The following PAQR4 variants were observed in gnomAD, a reference collection of about 807,000 sequenced individuals.
PAQR4 encodes progestin and adipoQ receptor family member 4.
Under a neutral mutation model 20.9 loss-of-function variants are expected in PAQR4, and 26 were observed. The ratio of observed to expected loss-of-function variants is 1.24; its 90% confidence interval spans 0.91 to 1.73. The LOEUF (loss-of-function observed/expected upper bound fraction) is 1.73. PAQR4 is among the 40% of genes most tolerant of loss of function. The pLI is 0.00. For synonymous variants in PAQR4, 193 were observed against 171.6 expected, an observed-to-expected ratio of 1.12 and a Z score of -0.97; for missense variants, 400 against 380.1, an observed-to-expected ratio of 1.05 and a Z score of -0.44.
chr16:2,972,120 G>A lies in PAQR4; in HGVS notation c.*172G>A, dbSNP rs987657741. The A allele has an allele frequency of 4.0e-5, 26 of 649,650 alleles. No individual in the cohort carries two copies. Among genetic ancestry groups the A allele is most frequent in the Middle Eastern group, 4.2e-4 (1 of 2,378 alleles). The allele number at this position is 649,650 out of a possible 1,614,324, so 40.2% of individuals were successfully genotyped here. A position where few individuals can be genotyped will look rare whatever the true frequency, so the allele number is the denominator to read the frequency against. On this transcript the variant is annotated 3_prime_UTR_variant, in exon 3 of 3. Transcript: ENST00000318782. ...TGGACTGACCTCTTCCACCCACGCC[G>A]TGGCGCTCCAACTTCCTTCCCTGCC...
chr16:2,972,867 G>T lies in PAQR4; in HGVS notation c.*919G>T. 1 of 1,536,156 alleles carries T rather than the reference G, an allele frequency of 6.5e-7. No homozygotes were observed. The highest frequency in any genetic ancestry group is 1.4e-5 in the African/African-American group (1 of 73,424). Reference sequence around the variant, plus strand: ...GACACGGCCAGGCAGAGAAGACCATGGGAGTTCCCGAGGGGCCCCAGCTTT... The same window carrying T: ...GACACGGCCAGGCAGAGAAGACCATTGGAGTTCCCGAGGGGCCCCAGCTTT... On this transcript the variant is annotated 3_prime_UTR_variant, in exon 3 of 3. Coordinates refer to ENST00000318782, the MANE Select transcript of PAQR4 (RefSeq NM_152341.5).
At chr16:2,969,958 G>A in intron 1 of PAQR4, 118 bp downstream of exon 1, 4 of 1,314,450 alleles carry the variant, frequency 3.0e-6, no homozygotes, top group Non-Finnish European at 1.0e-6. Context: ...CCCGGCCCTG[G>A]CACCGCCAGT....
At position 2,971,666 on chromosome 16, in the gene PAQR4, G is replaced by C; in HGVS notation, c.540G>C (p.Gln180His). The C allele has an allele frequency of 6.2e-7, 1 of 1,611,188 alleles. No individual in the cohort carries two copies. ...TSARLRAFGWQAAARLLVFGA... is the reference protein window; with the variant it reads ...TSARLRAFGWHAAARLLVFGA... ...CTCGGCTCCGGGCATTTGGATGGCA[G>C]GCTGCTGCCCGCCTACTGGTATTTG... Residue 180 changes from glutamine (Q) to histidine (H), a missense_variant, in exon 3 of 3, where the codon CAG becomes CAC. Coordinates refer to ENST00000318782, the MANE Select transcript of PAQR4 (RefSeq NM_152341.5).
rs2072034881 is a variant in PAQR4 at position 2,972,859 on chromosome 16, A to G, written c.*911A>G. 42 of 1,534,928 alleles carry G rather than the reference A, an allele frequency of 2.7e-5. 1 individual carries two copies. The South Asian group carries it at 5.0e-4, about 18-fold the overall frequency. On this transcript the variant is annotated 3_prime_UTR_variant, in exon 3 of 3. Transcript: ENST00000318782. ...TTTTATTAGACACGGCCAGGCAGAGAAGACCATGGGAGTTCCCGAGGGGCC... is the reference window on the plus strand; with the variant it reads ...TTTTATTAGACACGGCCAGGCAGAGGAGACCATGGGAGTTCCCGAGGGGCC...
chr16:2,970,035 G>A lies in PAQR4; in HGVS notation c.166+195G>A, dbSNP rs1224355544. 8.0e-6 allele frequency: 6 copies of A among 747,708 alleles called. No homozygotes were observed. In the East Asian group the frequency reaches 1.7e-4, roughly 22 times the overall value. 46.3% of individuals were successfully genotyped at this position (747,708 alleles called of 1,614,324 possible). ...CAGCTTCCGTTTTCCCGGCGGGTGG[G>A]GGCCGGGTCAGGAGAGGGGAGCAGA... is the stretch of plus-strand genomic sequence containing the variant. On this transcript the variant is annotated intron_variant, in intron 1 of 2. Coordinates refer to ENST00000318782, the MANE Select transcript of PAQR4 (RefSeq NM_152341.5).
In PAQR4 at chr16:2,969,830, C is replaced by CT; in HGVS notation, c.157dup (p.Tyr53LeufsTer182). 1.2e-6 allele frequency: 2 copies of CT among 1,610,418 alleles called. No homozygotes were observed. Among genetic ancestry groups the CT allele is most frequent in the Non-Finnish European group, 1.7e-6 (2 of 1,178,904 alleles). On this transcript the variant is annotated frameshift_variant, in exon 1 of 3. Transcript: ENST00000318782. LOFTEE classifies it high-confidence loss of function. ...ACCTGCACAACGAACTGGGCAACATCTACACGCACGGTGAGCCGCGTCCCG... is the reference window on the plus strand; with the variant it reads ...ACCTGCACAACGAACTGGGCAACATCTTACACGCACGGTGAGCCGCGTCCCG...
At chr16:2,970,557 G>A (rs1416360312) in intron 1 of PAQR4, among the ~76,000 whole-genome samples, 2 of 152,228 alleles carry the variant, frequency 1.3e-5, no homozygotes, top group African/African-American at 4.8e-5. Flanking sequence ...ACTCCCCAGG[G>A]AGAGGTCTGG....
At chr16:2,970,021 T>C (rs1304355933) in intron 1 of PAQR4, 181 bp downstream of exon 1, 10 of 848,342 alleles carry the variant, frequency 1.2e-5, no homozygotes, top group Non-Finnish European at 8.8e-6. Flanking sequence ...AGCTTCCGTT[T>C]TCCCGGCGGG....
chr16:2,972,919 A>G lies in PAQR4; in HGVS notation c.*971A>G. On this transcript the variant is annotated 3_prime_UTR_variant, in exon 3 of 3. Transcript: ENST00000318782. ...AAGGGCGACGGGAGAGACACAGGAT[A>G]AAAGGTTAAAAGTGCAGAGGCAGAG... The G allele has an allele frequency of 6.3e-7, 1 of 1,575,142 alleles. No homozygotes were observed. Among genetic ancestry groups the G allele is most frequent in the Non-Finnish European group, 8.6e-7 (1 of 1,159,416 alleles).
Position 2,972,103 on chromosome 16 carries a change from C to T in PAQR4, c.*155C>T, listed in dbSNP as rs1389544289. ...TCACCCGTTCTTCCCTGTGGACTGA[C>T]CTCTTCCACCCACGCCGTGGCGCTC... is the stretch of plus-strand genomic sequence containing the variant. On this transcript the variant is annotated 3_prime_UTR_variant, in exon 3 of 3. Coordinates refer to ENST00000318782, the MANE Select transcript of PAQR4 (RefSeq NM_152341.5). The T allele has an allele frequency of 5.5e-6, 4 of 728,316 alleles. No individual in the cohort carries two copies. Among genetic ancestry groups the T allele is most frequent in the Non-Finnish European group, 6.5e-6 (3 of 464,290 alleles). 45.1% of individuals were successfully genotyped at this position (728,316 alleles called of 1,614,324 possible). A position where few individuals can be genotyped will look rare whatever the true frequency, so the allele number is the denominator to read the frequency against.
At position 2,973,381 on chromosome 16, in the gene PAQR4, G is replaced by A. The variant is rs1416932944; in HGVS notation, c.*1433G>A. 8 of 1,539,292 alleles carry A rather than the reference G, an allele frequency of 5.2e-6. No homozygotes were observed. Among genetic ancestry groups the A allele is most frequent in the Non-Finnish European group, 7.0e-6 (8 of 1,146,034 alleles). ...GCACTCTGAAAGCAGCACTTGGACA[G>A]CCTTCAAAGTCCTTCCATCTGGCTG... On this transcript the variant is annotated 3_prime_UTR_variant, in exon 3 of 3. Transcript: ENST00000318782.
At chr16:2,970,889 C>A (rs564959407) in intron 1 of PAQR4, 5 of 589,704 alleles carry the variant, frequency 8.5e-6, no homozygotes, top group Admixed American at 3.0e-5. Flanking sequence ...TGGGCTCACC[C>A]GGGGCCGGTC....
intron 1 of PAQR4, chr16:2,970,272 G>C (rs2071947831): frequency 6.0e-6 from 1 of 166,378 alleles, no homozygotes; most frequent in African/African-American, 2.4e-5. Context: ...GCTCCGCCTG[G>C]TGGCGGCTCC....
At chr16:2,971,112 G>C (rs1779359557) in intron 1 of PAQR4, 45 bp from the exon 2 acceptor site, 1 of 1,577,914 alleles carries the variant, frequency 6.3e-7, no homozygotes, top group African/African-American at 1.3e-5. Flanking sequence ...GTCCCCTTGA[G>C]GATGTGACTG....
In PAQR4 at chr16:2,973,022, C is replaced by T. The variant is rs754495444; in HGVS notation, c.*1074C>T. ...GAGGCTCAAAGGAGGGGAAGGAGCC[C>T]CGAGGAGGCTCTGAGTTGATGTCAC... On this transcript the variant is annotated 3_prime_UTR_variant, in exon 3 of 3. Transcript: ENST00000318782. The T allele has an allele frequency of 6.2e-7, 1 of 1,609,888 alleles. No individual in the cohort carries two copies. Among genetic ancestry groups the T allele is most frequent in the Non-Finnish European group, 8.5e-7 (1 of 1,178,992 alleles).
chr16:2,972,932 T>C lies in PAQR4; in HGVS notation c.*984T>C. The C allele has an allele frequency of 6.3e-7, 1 of 1,586,376 alleles. No homozygotes were observed. Among genetic ancestry groups the C allele is most frequent in the Non-Finnish European group, 8.6e-7 (1 of 1,166,204 alleles). ...GAGACACAGGATAAAAGGTTAAAAG[T>C]GCAGAGGCAGAGTCTGGGGCTCAGG... On this transcript the variant is annotated 3_prime_UTR_variant, in exon 3 of 3. Transcript: ENST00000318782.
chr16:2,973,128 A>C lies in PAQR4; in HGVS notation c.*1180A>C. ...TAGCCCTGCCCACCCCAGCCCCTGG[A>C]CCTGCTTACCTGGGTGTGCACCTGC... is the stretch of plus-strand genomic sequence containing the variant. On this transcript the variant is annotated 3_prime_UTR_variant, in exon 3 of 3. Coordinates refer to ENST00000318782, the MANE Select transcript of PAQR4 (RefSeq NM_152341.5). 6.4e-7 allele frequency: 1 copy of C among 1,554,388 alleles called. No homozygotes were observed. The highest frequency in any genetic ancestry group is 8.7e-7 in the Non-Finnish European group (1 of 1,144,894).
intron 1 of PAQR4, chr16:2,970,145 A>C (rs993466926): frequency 3.2e-6 from 1 of 312,002 alleles, no homozygotes; most frequent in Non-Finnish European, 6.0e-6. Flanking sequence ...CGCCCTGGGA[A>C]CCCCCTCCCG....
In PAQR4 at chr16:2,971,287, TCACCTCTTTATGTGC is replaced by T; in HGVS notation, c.302_316del (p.Leu101_His105del). 6.2e-7 allele frequency: 1 copy of T among 1,612,934 alleles called. No homozygotes were observed. Among genetic ancestry groups the T allele is most frequent in the Non-Finnish European group, 8.5e-7 (1 of 1,180,000 alleles). On this transcript the variant is annotated inframe_deletion, in exon 2 of 3. Transcript: ENST00000318782. ...CACCCCCTGCAGGCTCCGTGCTCTA[TCACCTCTTTATGTGC>T]CACCAAGGGGGCAGCGCTGTGTACG...
Sources: allele counts gnomAD v4.1 joint callset (sites outside exome capture counted in the v4.1 genomes callset), GRCh38; gene constraint gnomAD v4.1.1; transcripts MANE v1.5; gene names NCBI Gene and HGNC (gene_info 2026-07-23, HGNC 2026-07-21).